The following ENPP2 variants were observed in gnomAD, a reference collection of about 807,000 sequenced individuals.
ENPP2 encodes ectonucleotide pyrophosphatase/phosphodiesterase 2.
A neutral mutation model predicts 120.2 loss-of-function variants in ENPP2; 51 were observed. The observed-to-expected ratio is 0.42, with a 90% CI of 0.34 to 0.54. The LOEUF (loss-of-function observed/expected upper bound fraction) is 0.54. ENPP2 is among the 20% of genes least tolerant of loss of function. The pLI is 0.04. For synonymous variants in ENPP2, 365 were observed against 366.4 expected (o/e 1.00, Z 0.04); for missense variants, 920 against 1,066.5 (o/e 0.86, Z 1.91).
intron 13 of ENPP2, among the ~76,000 whole-genome samples, chr8:119,589,941 A>C (rs1312585152): frequency 6.6e-6 from 1 of 152,136 alleles, no homozygotes; most frequent in Admixed American, 6.5e-5. Context: ...ATTCCTGTTT[A>C]TTTTTATTTC....
chr8:119,628,297 T>C (rs1252581929), intron 2 of ENPP2, among the ~76,000 whole-genome samples: 1 of 152,174 alleles, frequency 6.6e-6, no homozygotes. Context: ...TTTCCAGGAA[T>C]TAAAATTTTT....
intron 9 of ENPP2, among the ~76,000 whole-genome samples, chr8:119,605,462 G>A (rs1019686125): frequency 0.014 from 2,039 of 149,050 alleles, 39 homozygotes; most frequent in African/African-American, 0.048. Context: ...GTGTGTGTGT[G>A]TGTATTTTTT....
chr8:119,626,761 G>A (rs1411339687), intron 2 of ENPP2, 41 bp from the exon 3 acceptor site: 1 of 1,596,000 alleles, frequency 6.3e-7, no homozygotes, highest in Non-Finnish European at 8.6e-7. Context: ...CTGGAGAGTG[G>A]TCATGTCACC....
chr8:119,580,868 GATACAT>G (rs1358062266), intron 18 of ENPP2: 1 of 152,014 alleles, frequency 6.6e-6, no homozygotes, highest in Non-Finnish European at 1.5e-5. Flanking sequence ...ATAATTGCAG[GATACAT>G]ATAGTATAAT....
upstream of ENPP2, among the ~76,000 whole-genome samples, chr8:119,640,904 G>T (rs1249416320): frequency 6.6e-6 from 1 of 151,948 alleles, no homozygotes; most frequent in African/African-American, 2.4e-5. Flanking sequence ...ATGCCAACAC[G>T]CCTGGCTAAT....
intron 1 of ENPP2, among the ~76,000 whole-genome samples, chr8:119,671,296 A>C (rs973436867): frequency 6.6e-6 from 1 of 152,068 alleles, no homozygotes; most frequent in Non-Finnish European, 1.5e-5. Flanking sequence ...GCAAGACTAC[A>C]TCTCAAAAAA....
At chr8:119,581,487 G>C (rs182967965) in intron 18 of ENPP2, among the ~76,000 whole-genome samples, 1 of 151,994 alleles carries the variant, frequency 6.6e-6, no homozygotes, top group Admixed American at 6.5e-5. Context: ...GGAAGATGAC[G>C]GTAGCACTCT....
chr8:119,558,315 C>A (rs1813636808), intron 24 of ENPP2, among the ~76,000 whole-genome samples: 1 of 152,250 alleles, frequency 6.6e-6, no homozygotes, highest in Admixed American at 6.5e-5. Context: ...GGCTATGAGA[C>A]CTTGGTCAAG....
At chr8:119,621,251 A>C in intron 4 of ENPP2, 143 bp downstream of exon 4, 1 of 654,060 alleles carries the variant, frequency 1.5e-6, no homozygotes, top group Non-Finnish European at 2.6e-6. Flanking sequence ...ACTAATGAAG[A>C]AGCATGAGAA....
chr8:119,599,557 G>A (rs1420637968), intron 11 of ENPP2, among the ~76,000 whole-genome samples: 3 of 152,150 alleles, frequency 2.0e-5, no homozygotes, highest in Non-Finnish European at 2.9e-5. Context: ...TATTTAAAAG[G>A]TTAGATTTGC....
At chr8:119,631,814 G>T (rs574033959) in intron 2 of ENPP2, among the ~76,000 whole-genome samples, 70 of 151,922 alleles carry the variant, frequency 4.6e-4, no homozygotes, top group African/African-American at 1.6e-3. Flanking sequence ...AATAATAGAG[G>T]TACATAGTTT....
chr8:119,639,593 C>T (rs1817203214), upstream of ENPP2, among the ~76,000 whole-genome samples: 1 of 148,794 alleles, frequency 6.7e-6, no homozygotes, highest in Non-Finnish European at 1.5e-5. Context: ...AGACTGTCAG[C>T]TTGTTTCGGG....
At chr8:119,585,491 T>C (rs1813040701) in intron 15 of ENPP2, among the ~76,000 whole-genome samples, 1 of 152,180 alleles carries the variant, frequency 6.6e-6, no homozygotes, top group African/African-American at 2.4e-5. Flanking sequence ...TGTTCAATTA[T>C]TGAGATAGAC....
At chr8:119,636,862 A>ACAAGTGAC (rs1215274410) in intron 2 of ENPP2, among the ~76,000 whole-genome samples, 3 of 152,114 alleles carry the variant, frequency 2.0e-5, no homozygotes, top group Non-Finnish European at 4.4e-5. Context: ...AACAGACTTC[A>ACAAGTGAC]CAAGTGACTT....
At chr8:119,659,532 A>T (rs1587585756) in intron 1 of ENPP2, among the ~76,000 whole-genome samples, 1 of 152,292 alleles carries the variant, frequency 6.6e-6, no homozygotes, top group African/African-American at 2.4e-5. Context: ...CTTCCCTGCC[A>T]GGACTTTGAC....
intron 3 of ENPP2, among the ~76,000 whole-genome samples, chr8:119,623,624 T>C (rs1453461901): frequency 6.6e-6 from 1 of 152,042 alleles, no homozygotes; most frequent in Non-Finnish European, 1.5e-5. Flanking sequence ...ATATTTTTTG[T>C]TGTTTTGTTT....
At chr8:119,606,868 A>T (rs1397563611) in intron 9 of ENPP2, among the ~76,000 whole-genome samples, 1 of 152,118 alleles carries the variant, frequency 6.6e-6, no homozygotes, top group African/African-American at 2.4e-5. Context: ...AAAAAAAAAA[A>T]AGATGGAAAG....
chr8:119,592,774 C>T (rs1813615677), intron 12 of ENPP2, among the ~76,000 whole-genome samples: 2 of 148,228 alleles, frequency 1.3e-5, no homozygotes, highest in South Asian at 4.3e-4. Flanking sequence ...AGCATGACTT[C>T]GCAAAGGGTT....
chr8:119,638,579 C>A (rs373931740), intron 1 of ENPP2, 52 bp from the exon 2 acceptor site: 108 of 1,155,682 alleles, frequency 9.3e-5, no homozygotes, highest in Non-Finnish European at 1.4e-4. Context: ...AAGACTAAAT[C>A]AAATTACACA....
Sources: gnomAD v4.1 joint callset for allele counts (sites outside exome capture counted in the v4.1 genomes callset) on GRCh38, gnomAD v4.1.1 for gene constraint, MANE v1.5 for transcripts, NCBI Gene and HGNC (gene_info 2026-07-23, HGNC 2026-07-21) for gene names.